Variants in AGFG1 observed in about 807,000 individuals in gnomAD.
AGFG1 encodes arf-GAP domain and FG repeat-containing protein 1.
AGFG1 carries 10 observed loss-of-function variants against 60.6 expected under a neutral mutation model. The ratio of observed to expected loss-of-function variants is 0.16; its 90% CI spans 0.10 to 0.28. The LOEUF is 0.28. AGFG1 is among the 10% of genes least tolerant of loss of function. AGFG1 has a pLI of 1.00. For missense variants in AGFG1, 537 were observed against 676.5 expected, an observed-to-expected ratio of 0.79 and a Z score of 2.29; for synonymous variants, 247 against 242.9, an observed-to-expected ratio of 1.02 and a Z score of -0.16.
chr2:227,518,545 CAG>C (rs1296770688), intron 2 of AGFG1, among the ~76,000 whole-genome samples: 25 of 117,108 alleles, frequency 2.1e-4, no homozygotes, highest in Non-Finnish European at 3.2e-4. Context: ...TTTTTAAAGA[CAG>C]AGTTTTGCTC....
At chr2:227,535,880 T>G (rs1421395467) in intron 8 of AGFG1, among the ~76,000 whole-genome samples, 1 of 152,210 alleles carries the variant, frequency 6.6e-6, no homozygotes, top group Non-Finnish European at 1.5e-5. Flanking sequence ...ATGGAATGTT[T>G]GGGGTACCTG....
chr2:227,524,816 C>T lies in AGFG1; in HGVS notation c.595C>T (p.Leu199Phe), dbSNP rs1197786350. 6.2e-7 allele frequency: 1 copy of T among 1,614,150 alleles called. No individual in the cohort carries two copies. Among genetic ancestry groups the T allele is most frequent in the Non-Finnish European group, 8.5e-7 (1 of 1,180,000 alleles). Residue 199 changes from leucine (L) to phenylalanine (F), a missense_variant, in exon 5 of 13, where the codon CTT becomes TTT. Leu to Phe is a conservative substitution (Grantham distance 22). Transcript: ENST00000310078. Reference protein sequence around the residue: ...GQQQEKKQFDLLSDLGSDIFA... With the variant: ...GQQQEKKQFDFLSDLGSDIFA... ...GCAGCAGGAGAAGAAGCAATTTGACCTTTTAAGTGATCTCGGCTCAGACAT... is the reference window on the plus strand; with the variant it reads ...GCAGCAGGAGAAGAAGCAATTTGACTTTTTAAGTGATCTCGGCTCAGACAT...
chr2:227,498,178 T>C (rs1437643704), intron 2 of AGFG1, among the ~76,000 whole-genome samples: 1 of 152,192 alleles, frequency 6.6e-6, no homozygotes. Flanking sequence ...TTTGGTAACT[T>C]GCCCAAGATC....
intron 1 of AGFG1, among the ~76,000 whole-genome samples, chr2:227,487,389 T>G (rs533488840): frequency 3.7e-4 from 55 of 147,884 alleles, no homozygotes; most frequent in African/African-American, 1.2e-3. Context: ...GGTTTGTCTG[T>G]TTTTTTTTTG....
chr2:227,484,689 T>G (rs1358510193), intron 1 of AGFG1, among the ~76,000 whole-genome samples: 3 of 1,084 alleles, frequency 2.8e-3, no homozygotes, highest in Non-Finnish European at 3.9e-3. Flanking sequence ...TTTTTTTTTG[T>G]TTTTTTTTTT....
chr2:227,497,155 C>T (rs1690997173), intron 2 of AGFG1, among the ~76,000 whole-genome samples: 1 of 149,356 alleles, frequency 6.7e-6, no homozygotes, highest in East Asian at 2.0e-4. Flanking sequence ...GTTTGAAATT[C>T]ACCCCCTCTT....
At chr2:227,538,869 TTAAG>T (rs1485541487) in intron 10 of AGFG1, among the ~76,000 whole-genome samples, 1 of 152,192 alleles carries the variant, frequency 6.6e-6, no homozygotes, top group African/African-American at 2.4e-5. Flanking sequence ...AATTCTAGTA[TTAAG>T]TAACAAAAAT....
At chr2:227,498,466 T>C (rs1044210492) in intron 2 of AGFG1, among the ~76,000 whole-genome samples, 1 of 152,230 alleles carries the variant, frequency 6.6e-6, no homozygotes, top group Admixed American at 6.5e-5. Flanking sequence ...ACTATTGTTA[T>C]TATTTAAGGG....
chr2:227,510,274 A>ACACATC (rs1384568288), intron 2 of AGFG1, among the ~76,000 whole-genome samples: 1 of 152,080 alleles, frequency 6.6e-6, no homozygotes, highest in Non-Finnish European at 1.5e-5. Flanking sequence ...GCACACGCAC[A>ACACATC]CACATCCACA....
At chr2:227,481,818 C>A (rs898826222) in intron 1 of AGFG1, among the ~76,000 whole-genome samples, 3 of 147,736 alleles carry the variant, frequency 2.0e-5, no homozygotes, top group Non-Finnish European at 4.5e-5. Flanking sequence ...ACTGTCATTT[C>A]GTTGTGGGTT....
At position 227,536,994 on chromosome 2, in the gene AGFG1, G is replaced by A. The variant is rs751542010; in HGVS notation, c.1378+1G>A. ...CAGACCAATGCCAGAGGAGCAACAGGTAAGAAAAAGAGACAGTGGAACAGT... is the reference window on the plus strand; with the variant it reads ...CAGACCAATGCCAGAGGAGCAACAGATAAGAAAAAGAGACAGTGGAACAGT... On this transcript the variant is annotated splice_donor_variant, in intron 10 of 12. Transcript: ENST00000310078. LOFTEE classifies it high-confidence loss of function. The A allele has an allele frequency of 6.2e-7, 1 of 1,611,010 alleles. No individual in the cohort carries two copies. Among genetic ancestry groups the A allele is most frequent in the Non-Finnish European group, 8.5e-7 (1 of 1,178,172 alleles).
chr2:227,559,918 T>C lies in AGFG1; in HGVS notation c.*5423T>C, dbSNP rs752076089. The C allele has an allele frequency of 6.6e-6, 1 of 152,150 alleles. No individual in the cohort carries two copies. Among genetic ancestry groups the C allele is most frequent in the Non-Finnish European group, 1.5e-5 (1 of 67,982 alleles). The allele number at this position is 152,150 out of a possible 1,614,324, so 9.4% of individuals were successfully genotyped here. A position where few individuals can be genotyped will look rare whatever the true frequency, so the allele number is the denominator to read the frequency against. ...TAAAGGTTTTTTGTATGCTATAATA[T>C]ATGCTTATGATTTCTAAAAATTATG... On this transcript the variant is annotated 3_prime_UTR_variant, in exon 13 of 13. Coordinates refer to ENST00000310078, the MANE Select transcript of AGFG1 (RefSeq NM_004504.5).
Position 227,544,566 on chromosome 2 carries a change from C to T in AGFG1, c.1379-7393C>T, listed in dbSNP as rs1692586541. Among the ~76,000 whole-genome samples, 2 of 152,150 alleles carry T rather than the reference C, an allele frequency of 1.3e-5. 1 individual carries two copies. The highest frequency in any genetic ancestry group is 4.1e-4 in the South Asian group (2 of 4,830). ...TTCTTCCTAGCATCGATGGTCTTTA[C>T]AGTTTGGCATGTTTTTGCAGTGACT... On this transcript the variant is annotated intron_variant, in intron 10 of 12. Coordinates refer to ENST00000310078, the MANE Select transcript of AGFG1 (RefSeq NM_004504.5).
intron 2 of AGFG1, among the ~76,000 whole-genome samples, chr2:227,501,529 A>C (rs1559175355): frequency 6.6e-6 from 1 of 152,212 alleles, no homozygotes; most frequent in African/African-American, 2.4e-5. Context: ...CTATACAAAT[A>C]TACACATAAA....
At chr2:227,501,725 A>G (rs1448537877) in intron 2 of AGFG1, among the ~76,000 whole-genome samples, 1 of 152,144 alleles carries the variant, frequency 6.6e-6, no homozygotes, top group African/African-American at 2.4e-5. Context: ...CTGGGACCAT[A>G]GGCATACACC....
In AGFG1 at chr2:227,555,841, T is replaced by A. The variant is rs1252228929; in HGVS notation, c.*1346T>A. 6.6e-6 allele frequency: 1 copy of A among 151,690 alleles called. No individual in the cohort carries two copies. Among genetic ancestry groups the A allele is most frequent in the Non-Finnish European group, 1.5e-5 (1 of 67,912 alleles). The allele number at this position is 151,690 out of a possible 1,614,324, so 9.4% of individuals were successfully genotyped here. A position where few individuals can be genotyped will look rare whatever the true frequency, so the allele number is the denominator to read the frequency against. On this transcript the variant is annotated 3_prime_UTR_variant, in exon 13 of 13. Transcript: ENST00000310078. The stretch of plus-strand genomic sequence containing the variant: ...TTTAAAAATGCCTCTGAGCAACCCA[T>A]ATAAGTCACAAAGTCTGTGTGTTAG...
In AGFG1 at chr2:227,527,600, A is replaced by C. The variant is rs550177171; in HGVS notation, c.694+2685A>C. On this transcript the variant is annotated intron_variant, in intron 5 of 12. Coordinates refer to ENST00000310078, the MANE Select transcript of AGFG1 (RefSeq NM_004504.5). ...GTATTTGTGTTGGAAATGCGTATGG[A>C]ATCTATTTTGGATGCCAGTAAGCTG... Among the ~76,000 whole-genome samples, 21 of 152,344 alleles carry C rather than the reference A, an allele frequency of 1.4e-4. 1 individual carries two copies. The highest frequency in any genetic ancestry group is 1.4e-3 in the Admixed American group (21 of 15,298).
In AGFG1 at chr2:227,536,937, G is replaced by T. The variant is rs1186899028; in HGVS notation, c.1322G>T (p.Gly441Val). Reference protein sequence around the residue: ...PSTNPFVAAAGPSVASSTNPF... With the variant: ...PSTNPFVAAAVPSVASSTNPF... ...ACAAATCCATTTGTTGCTGCTGCTG[G>T]TCCTTCTGTGGCATCTTCTACAAAC... is the stretch of plus-strand genomic sequence containing the variant. Residue 441 changes from glycine (G) to valine (V), a missense_variant, in exon 10 of 13, where the codon GGT (glycine) becomes GTT (valine). Gly to Val is a moderately radical substitution (Grantham distance 109, BLOSUM62 -3). Around this residue, in one of 4 missense-constraint regions of AGFG1, gnomAD observed 287 missense variants for 343.6 expected, o/e 0.84. Transcript: ENST00000310078. 6.2e-7 allele frequency: 1 copy of T among 1,612,904 alleles called. No individual in the cohort carries two copies. Among genetic ancestry groups the T allele is most frequent in the Non-Finnish European group, 8.5e-7 (1 of 1,179,342 alleles).
At chr2:227,546,518 GA>G (rs1692653756) in intron 10 of AGFG1, among the ~76,000 whole-genome samples, 1 of 152,184 alleles carries the variant, frequency 6.6e-6, no homozygotes, top group Non-Finnish European at 1.5e-5. Context: ...CCAGTGAGAT[GA>G]ACCCAGTACC....
Sources: allele counts gnomAD v4.1 joint callset (sites outside exome capture counted in the v4.1 genomes callset), GRCh38; gene constraint gnomAD v4.1.1; regional missense constraint gnomAD v4.1.1; transcripts MANE v1.5; gene names NCBI Gene and HGNC (gene_info 2026-07-23, HGNC 2026-07-21).